The following ZNF584 variants were observed in gnomAD, a reference collection of about 807,000 sequenced individuals.
ZNF584 encodes zinc finger protein 584.
A neutral mutation model predicts 14.7 loss-of-function variants in ZNF584; 12 were observed. The ratio of observed to expected loss-of-function variants is 0.82; its 90% confidence interval spans 0.52 to 1.32. The LOEUF (loss-of-function observed/expected upper bound fraction) is 1.32, where lower values mean the gene tolerates loss of function less well. ZNF584 is among the 40% of genes most tolerant of loss of function. ZNF584 has a pLI of 0.00. For missense variants in ZNF584, 478 were observed against 518.8 expected, an observed-to-expected ratio of 0.92 and a Z score of 0.76; for synonymous variants, 204 against 190.9, an observed-to-expected ratio of 1.07 and a Z score of -0.57.
Position 58,409,965 on chromosome 19 carries a change from G to A in ZNF584, c.43G>A (p.Gly15Ser). The change falls in exon 2 of 4, where the codon GGC (glycine) becomes AGC (serine). Residue 15 changes from glycine (G) to serine (S), a missense_variant. This residue lies in a region of ZNF584 where 189 missense variants were observed against 177.9 expected (regional missense o/e 1.06). Coordinates refer to ENST00000306910, the MANE Select transcript of ZNF584 (RefSeq NM_173548.3). ...AEAQLDPSLQ[G>S]LVMFEDVTVY... The stretch of plus-strand genomic sequence containing the variant: ...GGCTCAGTTGGACCCATCATTGCAG[G>A]GCTTGGTGATGTTTGAGGATGTGAC... 6.2e-7 allele frequency: 1 copy of A among 1,614,034 alleles called. No homozygotes were observed. Among genetic ancestry groups the A allele is most frequent in the Non-Finnish European group, 8.5e-7 (1 of 1,179,986 alleles).
chr19:58,412,216 T>A (rs1046618517), intron 2 of ZNF584, among the ~76,000 whole-genome samples: 2 of 135,172 alleles, frequency 1.5e-5, no homozygotes, highest in Non-Finnish European at 3.0e-5. Context: ...TTTTTTTTTT[T>A]TTTTGAGACG....
At chr19:58,406,623 G>C (rs8106061), upstream of ZNF584, 45,881 of 152,010 alleles carry the variant, frequency 0.3, 7,331 homozygotes, top group African/African-American at 0.42. Context: ...CAATTCCAGG[G>C]ATACTTCCAT....
In ZNF584 at chr19:58,412,197, G is replaced by GCCTTTTTTTTTTTTTTTT. The variant is rs1225346355; in HGVS notation, c.169+2106_169+2107insCCTTTTTTTTTTTTTTTT. Among the ~76,000 whole-genome samples the GCCTTTTTTTTTTTTTTTT allele has an allele frequency of 4.1e-5, 4 of 97,980 alleles. 1 individual carries two copies. Among genetic ancestry groups the GCCTTTTTTTTTTTTTTTT allele is most frequent in the African/African-American group, 2.2e-4 (4 of 17,950 alleles). The allele number at this position is 97,980 out of a possible 152,430, so 64.3% of individuals were successfully genotyped here. ...GGGTTTCACCATGTTGGCCAGGGTG[G>GCCTTTTTTTTTTTTTTTT]TCTTTTTTTTTTTTTTTTTTTTTGA... On this transcript the variant is annotated intron_variant, in intron 2 of 3. Coordinates refer to ENST00000306910, the MANE Select transcript of ZNF584 (RefSeq NM_173548.3).
At position 58,417,078 on chromosome 19, in the gene ZNF584, T is replaced by C; in HGVS notation, c.560T>C (p.Phe187Ser). Residue 187 changes from phenylalanine (F) to serine (S), a missense_variant, in exon 4 of 4, where the codon TTC becomes TCC. Coordinates refer to ENST00000306910, the MANE Select transcript of ZNF584 (RefSeq NM_173548.3). ...ATAACGCATTCTGAAGAGAGACCCT[T>C]CAGATGCCCAACAGGCAGAAGTGCT... ...HLITHSEERP[F>S]RCPTGRSAFK... The C allele has an allele frequency of 6.2e-7, 1 of 1,613,874 alleles. No homozygotes were observed.
chr19:58,403,891 G>T (rs185520342), upstream of ZNF584, among the ~76,000 whole-genome samples: 9 of 151,150 alleles, frequency 6.0e-5, no homozygotes, highest in African/African-American at 2.2e-4. Flanking sequence ...GCTTGAACCC[G>T]GGAGGCGGAG....
intron 3 of ZNF584, 48 bp downstream of exon 3, chr19:58,415,694 G>C (rs1013756481): frequency 4.4e-6 from 7 of 1,608,112 alleles, no homozygotes; most frequent in Middle Eastern, 1.7e-4. Flanking sequence ...TGGGCTCACA[G>C]AATGCTGAGT....
chr19:58,417,637 G>A lies in ZNF584; in HGVS notation c.1119G>A (p.Gln373=), dbSNP rs1294498731. Residue 373 remains glutamine (Q), a synonymous_variant, in exon 4 of 4, where the codon CAG becomes CAA. Coordinates refer to ENST00000306910, the MANE Select transcript of ZNF584 (RefSeq NM_173548.3). The part of the protein sequence containing the change: ...FTTRSYRNRH[Q]QFHTEERSYE... The stretch of plus-strand genomic sequence containing the variant: ...CCAGATCCTACCGCAATCGGCACCA[G>A]CAGTTCCACACTGAAGAGAGGTCTT... The A allele has an allele frequency of 6.2e-7, 1 of 1,614,040 alleles. No individual in the cohort carries two copies. The highest frequency in any genetic ancestry group is 1.3e-5 in the African/African-American group (1 of 74,908).
chr19:58,410,073 G>C lies in ZNF584; in HGVS notation c.151G>C (p.Ala51Pro). The change falls in exon 2 of 4, where the codon GCA becomes CCA. Residue 51 changes from alanine to proline, a missense_variant. Ala to Pro is a conservative substitution (Grantham distance 27). Around this residue, in one of 3 missense-constraint regions of ZNF584, gnomAD observed 189 missense variants for 177.9 expected, o/e 1.06. Coordinates refer to ENST00000306910, the MANE Select transcript of ZNF584 (RefSeq NM_173548.3). ...CCGGGATGTGATGCTGGAGAACTTT[G>C]CACTCGTTAGCTCACTGGGTAAGTC... is the stretch of plus-strand genomic sequence containing the variant. ...LYRDVMLENF[A>P]LVSSLGLAPS... The C allele has an allele frequency of 6.2e-7, 1 of 1,611,872 alleles. No individual in the cohort carries two copies. Among genetic ancestry groups the C allele is most frequent in the Non-Finnish European group, 8.5e-7 (1 of 1,178,942 alleles).
At position 58,410,688 on chromosome 19, in the gene ZNF584, T is replaced by C. The variant is rs1463562657; in HGVS notation, c.169+597T>C. ...ATGTATATATGTGTATATATATGTA[T>C]ATATGTATATATATATGTATATATG... On this transcript the variant is annotated intron_variant, in intron 2 of 3. Transcript: ENST00000306910. Among the ~76,000 whole-genome samples, 236 of 56,432 alleles carry C rather than the reference T, an allele frequency of 4.2e-3. 19 individuals carry two copies. Among genetic ancestry groups the C allele is most frequent in the African/African-American group, 0.03 (208 of 6,844 alleles). 37.0% of individuals were successfully genotyped at this position (56,432 alleles called of 152,430 possible). A position where few individuals can be genotyped will look rare whatever the true frequency, so the allele number is the denominator to read the frequency against.
intron 2 of ZNF584, among the ~76,000 whole-genome samples, chr19:58,410,575 A>ATG (rs1840060055): frequency 1.8e-4 from 4 of 22,392 alleles, no homozygotes; most frequent in African/African-American, 1.2e-3. Flanking sequence ...ATATATATGT[A>ATG]TATATATGTA....
At chr19:58,414,859 T>C (rs1386579600) in intron 2 of ZNF584, among the ~76,000 whole-genome samples, 3 of 151,370 alleles carry the variant, frequency 2.0e-5, no homozygotes, top group Non-Finnish European at 4.4e-5. Context: ...ATGTCAGTTT[T>C]GCTTCATAGA....
chr19:58,417,707 C>G lies in ZNF584; in HGVS notation c.1189C>G (p.Leu397Val), dbSNP rs781589012. 1 of 1,614,168 alleles carries G rather than the reference C, an allele frequency of 6.2e-7. No homozygotes were observed. Among genetic ancestry groups the G allele is most frequent in the Admixed American group, 1.7e-5 (1 of 60,028 alleles). Residue 397 changes from leucine to valine, a missense_variant, in exon 4 of 4, where the codon CTC becomes GTC. Transcript: ENST00000306910. ...GAAGGCCTTCAAACATAGTTCCACC[C>G]TCCTTCAGCACAAGAAAGTCCATAC... ...CGKAFKHSSTLLQHKKVHTPE... is the reference protein window; with the variant it reads ...CGKAFKHSSTVLQHKKVHTPE...
chr19:58,407,397 A>G (rs3826681), upstream of ZNF584: 27,247 of 152,248 alleles, frequency 0.18, 2,673 homozygotes, highest in Non-Finnish European at 0.22. Flanking sequence ...CAGTGCATGC[A>G]GTGCCTGGAA....
intron 2 of ZNF584, among the ~76,000 whole-genome samples, chr19:58,412,949 C>T (rs763644710): frequency 6.6e-6 from 1 of 152,162 alleles, no homozygotes; most frequent in Admixed American, 6.6e-5. Flanking sequence ...TACATTTGTA[C>T]ATAGTATTTC....
chr19:58,402,159 T>C (rs987123140), intron 1 of ZNF584, among the ~76,000 whole-genome samples: 2 of 152,164 alleles, frequency 1.3e-5, no homozygotes, highest in Non-Finnish European at 2.9e-5. Context: ...CCACACCCAC[T>C]TGCAGACCTG....
rs960361398 is a variant in ZNF584 at position 58,410,148 on chromosome 19, G to A, written c.169+57G>A. The A allele has an allele frequency of 7.1e-6, 11 of 1,545,566 alleles. No individual in the cohort carries two copies. In the African/African-American group the frequency reaches 8.3e-5, roughly 12 times the overall value. ...GACTACCCCCTCATTTTCCCCATGCGAAGTTCTGTCCATAACGAAGCCAGA... is the reference window on the plus strand; with the variant it reads ...GACTACCCCCTCATTTTCCCCATGCAAAGTTCTGTCCATAACGAAGCCAGA... On this transcript the variant is annotated intron_variant, in intron 2 of 3. Transcript: ENST00000306910.
chr19:58,416,860 G>T lies in ZNF584; in HGVS notation c.342G>T (p.Lys114Asn). The T allele has an allele frequency of 6.3e-7, 1 of 1,590,294 alleles. No individual in the cohort carries two copies. Among genetic ancestry groups the T allele is most frequent in the Non-Finnish European group, 8.6e-7 (1 of 1,169,362 alleles). Residue 114 changes from lysine (K) to asparagine (N), a missense_variant, in exon 4 of 4, where the codon AAG becomes AAT. This residue lies in a region of ZNF584 where 189 missense variants were observed against 177.9 expected (regional missense o/e 1.06). Coordinates refer to ENST00000306910, the MANE Select transcript of ZNF584 (RefSeq NM_173548.3). ...EDERAHPEHLKSYRVIQHQDT... is the reference protein window; with the variant it reads ...EDERAHPEHLNSYRVIQHQDT... ...AGAGAGCCCATCCTGAGCATCTAAA[G>T]AGCTACAGAGTCATCCAGCACCAGG...
rs1419196861 is a variant in ZNF584, at chr19:58,417,729, A to C, written c.1211A>C (p.His404Pro). ...ACCCTCCTTCAGCACAAGAAAGTCCATACTCCAGAAAGGCGTCAGGAGGAC... is the reference window on the plus strand; with the variant it reads ...ACCCTCCTTCAGCACAAGAAAGTCCCTACTCCAGAAAGGCGTCAGGAGGAC... ...SSTLLQHKKV[H>P]TPERRQEDRA... Residue 404 changes from histidine to proline, a missense_variant, in exon 4 of 4, where the codon CAT (histidine) becomes CCT (proline). His to Pro is a moderately conservative substitution (Grantham distance 77). Around this residue, in one of 3 missense-constraint regions of ZNF584, gnomAD observed 283 missense variants for 317.3 expected, o/e 0.89. Coordinates refer to ENST00000306910, the MANE Select transcript of ZNF584 (RefSeq NM_173548.3). 6.2e-7 allele frequency: 1 copy of C among 1,614,102 alleles called. No individual in the cohort carries two copies.
intron 2 of ZNF584, among the ~76,000 whole-genome samples, chr19:58,414,094 T>G (rs898432417): frequency 1.3e-5 from 2 of 152,096 alleles, no homozygotes; most frequent in Non-Finnish European, 2.9e-5. Context: ...GTGCTGGGAT[T>G]ACACTTGAGC....
Sources: gnomAD v4.1 joint callset for allele counts (sites outside exome capture counted in the v4.1 genomes callset) on GRCh38, gnomAD v4.1.1 for gene constraint, gnomAD v4.1.1 regional missense constraint, MANE v1.5 for transcripts, NCBI Gene and HGNC (gene_info 2026-07-23, HGNC 2026-07-21) for gene names.